FAM168A: variants seen among roughly 807,000 people sequenced by gnomAD.
FAM168A encodes the protein family with sequence similarity 168 member A, also known as protein FAM168A.
Under a neutral mutation model 28.5 loss-of-function variants are expected in FAM168A, and 3 were observed. The ratio of observed to expected loss-of-function variants is 0.11; its 90% confidence interval spans 0.05 to 0.27. The LOEUF (loss-of-function observed/expected upper bound fraction) is 0.27. FAM168A is among the 10% of genes least tolerant of loss of function. The pLI, the probability that FAM168A is intolerant of heterozygous loss-of-function variation, is 1.00. For missense variants in FAM168A, 222 were observed against 311.5 expected (o/e 0.71, Z 2.16); for synonymous variants, 122 against 124.2 (o/e 0.98, Z 0.12).
chr11:73,481,735 G>C (rs1867969841), intron 1 of FAM168A, among the ~76,000 whole-genome samples: 1 of 152,184 alleles, frequency 6.6e-6, no homozygotes. Flanking sequence ...TAGTTAGAGA[G>C]AGCTAGCTGG....
chr11:73,467,451 G>A (rs183847783), intron 2 of FAM168A, among the ~76,000 whole-genome samples: 19 of 152,062 alleles, frequency 1.2e-4, no homozygotes, highest in African/African-American at 3.4e-4. Context: ...ACACATTACC[G>A]AGTCCTACTA....
chr11:73,543,692 C>T (rs975626112), intron 1 of FAM168A, among the ~76,000 whole-genome samples: 2 of 151,990 alleles, frequency 1.3e-5, no homozygotes, highest in Non-Finnish European at 2.9e-5. Flanking sequence ...ATAGAAGTAA[C>T]CAAAAGAAGG....
At chr11:73,589,946 C>T (rs1434922964) in intron 1 of FAM168A, among the ~76,000 whole-genome samples, 4 of 152,060 alleles carry the variant, frequency 2.6e-5, no homozygotes, top group Non-Finnish European at 5.9e-5. Context: ...AAGAAAATTC[C>T]TCCTTTGTGG....
chr11:73,545,199 T>C (rs568623163), intron 1 of FAM168A, among the ~76,000 whole-genome samples: 1 of 148,990 alleles, frequency 6.7e-6, no homozygotes, highest in South Asian at 2.1e-4. Flanking sequence ...CTAATTTTTG[T>C]ATTTTTAGAA....
At chr11:73,506,981 T>C (rs1331962398) in intron 1 of FAM168A, among the ~76,000 whole-genome samples, 1 of 152,202 alleles carries the variant, frequency 6.6e-6, no homozygotes, top group Non-Finnish European at 1.5e-5. Context: ...TGTAGGTTTT[T>C]AAAAAATCAC....
At chr11:73,542,504 T>C (rs1274878506) in intron 1 of FAM168A, among the ~76,000 whole-genome samples, 2 of 152,222 alleles carry the variant, frequency 1.3e-5, no homozygotes, top group African/African-American at 4.8e-5. Context: ...TTTCTTGCCA[T>C]TACTACACTG....
At chr11:73,518,567 G>T (rs1304319893) in intron 1 of FAM168A, among the ~76,000 whole-genome samples, 1 of 151,890 alleles carries the variant, frequency 6.6e-6, no homozygotes, top group African/African-American at 2.4e-5. Flanking sequence ...TGGGGGAAAA[G>T]TTCTTGCTCT....
At chr11:73,431,570 G>C (rs1438277117) in intron 2 of FAM168A, among the ~76,000 whole-genome samples, 4 of 152,112 alleles carry the variant, frequency 2.6e-5, no homozygotes, top group Admixed American at 2.6e-4. Flanking sequence ...GGTTGGAAAT[G>C]AGAGCTACTT....
intron 1 of FAM168A, among the ~76,000 whole-genome samples, chr11:73,484,184 T>A (rs116590449): frequency 0.014 from 2,127 of 152,312 alleles, 33 homozygotes; most frequent in African/African-American, 0.041. Context: ...ACCATAACTG[T>A]TAACATCTTT....
chr11:73,446,083 T>C (rs1565248576), intron 2 of FAM168A, among the ~76,000 whole-genome samples: 1 of 152,232 alleles, frequency 6.6e-6, no homozygotes, highest in Non-Finnish European at 1.5e-5. Context: ...AGAACTTTCT[T>C]TGTACAATGC....
intron 6 of FAM168A, 57 bp from the exon 7 acceptor site, chr11:73,407,700 A>C: frequency 7.1e-7 from 1 of 1,407,674 alleles, no homozygotes; most frequent in Non-Finnish European, 9.9e-7. Context: ...CACAGGAATG[A>C]AGAGGATGAA....
At chr11:73,530,410 C>A (rs1479155684) in intron 1 of FAM168A, among the ~76,000 whole-genome samples, 1 of 152,146 alleles carries the variant, frequency 6.6e-6, no homozygotes, top group Non-Finnish European at 1.5e-5. Context: ...CAGTTTTTCA[C>A]AAAGTAGCAA....
At chr11:73,433,873 G>C (rs2134516761) in intron 2 of FAM168A, among the ~76,000 whole-genome samples, 1 of 114,134 alleles carries the variant, frequency 8.8e-6, no homozygotes, top group East Asian at 2.5e-4. Flanking sequence ...TTGAGATGGA[G>C]TTTCACTCTG....
At chr11:73,517,799 A>G (rs1167872317) in intron 1 of FAM168A, among the ~76,000 whole-genome samples, 1 of 152,254 alleles carries the variant, frequency 6.6e-6, no homozygotes, top group African/African-American at 2.4e-5. Context: ...GTAGCTTTTT[A>G]ACATAAAATA....
intron 1 of FAM168A, among the ~76,000 whole-genome samples, chr11:73,551,017 G>A (rs572864485): frequency 1.3e-3 from 202 of 151,778 alleles, no homozygotes; most frequent in Middle Eastern, 3.4e-3. Flanking sequence ...AGGCTGAGGC[G>A]GAAGAATGGC....
intron 2 of FAM168A, among the ~76,000 whole-genome samples, chr11:73,434,598 T>C (rs995982947): frequency 1.3e-5 from 2 of 152,062 alleles, no homozygotes; most frequent in Admixed American, 6.5e-5. Context: ...ATGGAACAAA[T>C]GAGGGGGCAG....
intron 4 of FAM168A, among the ~76,000 whole-genome samples, chr11:73,413,281 CATAGTTT>C (rs1333840164): frequency 6.6e-6 from 1 of 152,098 alleles, no homozygotes; most frequent in African/African-American, 2.4e-5. Flanking sequence ...TAGTTTTTTC[CATAGTTT>C]TGTGATCAAA....
chr11:73,467,947 G>C (rs1278693605), intron 2 of FAM168A, among the ~76,000 whole-genome samples: 3 of 152,192 alleles, frequency 2.0e-5, no homozygotes, highest in Non-Finnish European at 4.4e-5. Context: ...TAGAAAGTTA[G>C]TGATAACAGT....
chr11:73,476,380 A>G (rs1867888862), intron 1 of FAM168A, among the ~76,000 whole-genome samples: 2 of 150,534 alleles, frequency 1.3e-5, no homozygotes, highest in Non-Finnish European at 3.0e-5. Context: ...ACTGCAAAGG[A>G]GACAGACTCT....
Sources: allele counts gnomAD v4.1 joint callset (sites outside exome capture counted in the v4.1 genomes callset), GRCh38; gene constraint gnomAD v4.1.1; transcripts MANE v1.5; gene names NCBI Gene and HGNC (gene_info 2026-07-23, HGNC 2026-07-21).